HECW2: variants seen among roughly 807,000 people sequenced by gnomAD.
The protein encoded by HECW2 is E3 ubiquitin-protein ligase HECW2.
In HECW2, 61 loss-of-function variants were observed where a neutral mutation model predicts 175.2. That is an observed-to-expected ratio of 0.35 (90% CI 0.28 to 0.43). HECW2 has a LOEUF of 0.43. Among genes scored for constraint, HECW2 ranks in the 20% least tolerant of loss-of-function variants. The pLI is 1.00. For synonymous variants in HECW2, 671 were observed against 731.0 expected, an observed-to-expected ratio of 0.92 and a Z score of 1.32; for missense variants, 1,524 against 2,000.5, an observed-to-expected ratio of 0.76 and a Z score of 4.54.
chr2:196,504,897 AT>A (rs1478491431), intron 1 of HECW2, among the ~76,000 whole-genome samples: 1 of 152,190 alleles, frequency 6.6e-6, no homozygotes, highest in East Asian at 1.9e-4. Context: ...GAAAAAAAAA[AT>A]GAGTGCAGAG....
At chr2:196,449,813 C>G (rs941443512) in intron 1 of HECW2, among the ~76,000 whole-genome samples, 1 of 151,350 alleles carries the variant, frequency 6.6e-6, no homozygotes, top group Non-Finnish European at 1.5e-5. Flanking sequence ...ACACACTTAT[C>G]CATTACCTCA....
At chr2:196,278,133 A>AAAAAAAATAATATAT (rs531920307) in intron 15 of HECW2, among the ~76,000 whole-genome samples, 1 of 66,552 alleles carries the variant, frequency 1.5e-5, no homozygotes, top group Non-Finnish European at 3.3e-5. Context: ...ATAATTAAAA[A>AAAAAAAATAATATAT]ATATATATAT....
chr2:196,541,092 C>T (rs1277749818), intron 1 of HECW2, among the ~76,000 whole-genome samples: 1 of 152,110 alleles, frequency 6.6e-6, no homozygotes, highest in Non-Finnish European at 1.5e-5. Flanking sequence ...CAATGCTCTA[C>T]ATTTCCTCCA....
chr2:196,577,059 G>A (rs1575690583), intron 1 of HECW2, among the ~76,000 whole-genome samples: 1 of 152,106 alleles, frequency 6.6e-6, no homozygotes, highest in African/African-American at 2.4e-5. Flanking sequence ...ATTTTGTCAA[G>A]GCAAGTGTAA....
At chr2:196,466,106 C>G (rs533356522) in intron 1 of HECW2, among the ~76,000 whole-genome samples, 24 of 152,268 alleles carry the variant, frequency 1.6e-4, no homozygotes, top group African/African-American at 5.8e-4. Flanking sequence ...CACCTATATA[C>G]CAGCAGAATC....
intron 2 of HECW2, among the ~76,000 whole-genome samples, chr2:196,359,125 C>T (rs1489278473): frequency 6.6e-6 from 1 of 152,142 alleles, no homozygotes; most frequent in African/African-American, 2.4e-5. Flanking sequence ...TTTGATTACA[C>T]ACCCTCCTTT....
At chr2:196,348,652 A>T (rs1003115609) in intron 2 of HECW2, among the ~76,000 whole-genome samples, 1 of 152,206 alleles carries the variant, frequency 6.6e-6, no homozygotes, top group Non-Finnish European at 1.5e-5. Flanking sequence ...TAACTCAAAA[A>T]AAAGAACAAT....
chr2:196,326,371 G>T (rs1692151749), intron 5 of HECW2, among the ~76,000 whole-genome samples: 1 of 152,064 alleles, frequency 6.6e-6, no homozygotes, highest in Non-Finnish European at 1.5e-5. Context: ...CTCCAGAAAG[G>T]TCTAATGACA....
At position 196,263,052 on chromosome 2, in the gene HECW2, GA is replaced by G. The variant is rs1449404397; in HGVS notation, c.3336-5147del. On this transcript the variant is annotated intron_variant, in intron 17 of 28. Coordinates refer to ENST00000644978, the MANE Select transcript of HECW2 (RefSeq NM_001348768.2). ...TTTTTTCTTTTTTTCCTGTGGCAGA[GA>G]AATAAAAAAAGAATTGGAAAGCCAA... 20 of 149,752 alleles carry G rather than the reference GA, an allele frequency of 1.3e-4. No homozygotes were observed. In the East Asian group the frequency reaches 2.7e-3, roughly 21 times the overall value. 9.3% of individuals were successfully genotyped at this position (149,752 alleles called of 1,614,324 possible).
At chr2:196,300,547 T>A (rs925243736) in intron 13 of HECW2, among the ~76,000 whole-genome samples, 2 of 152,220 alleles carry the variant, frequency 1.3e-5, no homozygotes, top group African/African-American at 4.8e-5. Context: ...ATGAAAATAT[T>A]CTTGTTGGAA....
Position 196,322,607 on chromosome 2 carries a change from A to G in HECW2, c.755T>C (p.Phe252Ser). The G allele has an allele frequency of 6.2e-7, 1 of 1,612,726 alleles. No individual in the cohort carries two copies. Among genetic ancestry groups the G allele is most frequent in the Non-Finnish European group, 8.5e-7 (1 of 1,179,008 alleles). The change falls in exon 7 of 29, where the codon TTT becomes TCT. Residue 252 changes from phenylalanine (F) to serine (S), a missense_variant. Around this residue, in one of 11 missense-constraint regions of HECW2, gnomAD observed 95 missense variants for 136.8 expected, o/e 0.69. Transcript: ENST00000644978. ...PIWHREKYSF[F>S]ALLTDVLEIE... Reference sequence around the variant, plus strand: ...TTCTAAGACATCAGTAAGAAGTGCAAAAAAGGAATATTTCTGAAAACACAA... The same window carrying G: ...TTCTAAGACATCAGTAAGAAGTGCAGAAAAGGAATATTTCTGAAAACACAA...
intron 1 of HECW2, among the ~76,000 whole-genome samples, chr2:196,540,516 G>A (rs1689174146): frequency 1.3e-5 from 2 of 152,108 alleles, no homozygotes; most frequent in South Asian, 4.1e-4. Flanking sequence ...ATAGCTCACA[G>A]TTCACTGTCA....
chr2:196,474,885 A>G (rs1480628041), intron 1 of HECW2, among the ~76,000 whole-genome samples: 2 of 152,232 alleles, frequency 1.3e-5, no homozygotes, highest in East Asian at 1.9e-4. Flanking sequence ...CTTAAGGCAG[A>G]GGCCCATTTA....
chr2:196,549,837 G>A (rs906062431), intron 1 of HECW2, among the ~76,000 whole-genome samples: 1 of 152,080 alleles, frequency 6.6e-6, no homozygotes, highest in African/African-American at 2.4e-5. Flanking sequence ...TTTACCAATC[G>A]ACCTGATATG....
chr2:196,379,898 CA>C (rs5837506), intron 2 of HECW2, among the ~76,000 whole-genome samples: 121,590 of 127,706 alleles, frequency 0.95, 57,806 homozygotes, highest in East Asian at 0.99. Context: ...TATTCTCCAG[CA>C]AAAAAAAAAA....
chr2:196,204,336 T>TTTTG (rs111323129), intron 28 of HECW2, among the ~76,000 whole-genome samples: 18,089 of 151,984 alleles, frequency 0.12, 1,100 homozygotes, highest in African/African-American at 0.16. Flanking sequence ...ATTTCTTGTT[T>TTTTG]TTTGTTTGTT....
At chr2:196,364,575 C>T (rs1443679785) in intron 2 of HECW2, among the ~76,000 whole-genome samples, 1 of 152,146 alleles carries the variant, frequency 6.6e-6, no homozygotes, top group Non-Finnish European at 1.5e-5. Flanking sequence ...AAACCAAGAG[C>T]AACAAATAAA....
At chr2:196,372,363 A>C (rs1292111302) in intron 2 of HECW2, among the ~76,000 whole-genome samples, 1 of 152,232 alleles carries the variant, frequency 6.6e-6, no homozygotes, top group Non-Finnish European at 1.5e-5. Flanking sequence ...CACTGTGAAC[A>C]GTATTAAAGT....
At chr2:196,358,784 C>A (rs1257264627) in intron 2 of HECW2, among the ~76,000 whole-genome samples, 2 of 152,002 alleles carry the variant, frequency 1.3e-5, no homozygotes, top group Non-Finnish European at 1.5e-5. Context: ...ATTTATGTTT[C>A]TTGAAACTCT....
Sources: allele counts gnomAD v4.1 joint callset (sites outside exome capture counted in the v4.1 genomes callset), GRCh38; gene constraint gnomAD v4.1.1; regional missense constraint gnomAD v4.1.1; transcripts MANE v1.5; gene names NCBI Gene and HGNC (gene_info 2026-07-23, HGNC 2026-07-21).